REDIC1: variants seen among roughly 807,000 people sequenced by gnomAD.
REDIC1 encodes the protein HEI10 Interacting Protein 1.
chr12:39,701,290 G>C, the REDIC1 span, among the ~76,000 whole-genome samples: 2 of 152,112 alleles, frequency 1.3e-5, no homozygotes, highest in Non-Finnish European at 2.9e-5. Flanking sequence ...TGCAATCCTG[G>C]TCTCTGGTAA....
At chr12:39,718,347 C>T in the REDIC1 span, among the ~76,000 whole-genome samples, 1 of 152,006 alleles carries the variant, frequency 6.6e-6, no homozygotes, top group East Asian at 1.9e-4. Context: ...TTCTGGGTGG[C>T]CAGGGGCATT....
chr12:39,721,934 C>T, the REDIC1 span: 5 of 151,950 alleles, frequency 3.3e-5, no homozygotes, highest in Non-Finnish European at 5.9e-5. Context: ...TGCTAAGATT[C>T]TTTTCATAAA....
the REDIC1 span, among the ~76,000 whole-genome samples, chr12:39,840,253 C>A: frequency 2.0e-5 from 3 of 151,860 alleles, no homozygotes; most frequent in African/African-American, 7.3e-5. Flanking sequence ...CCACCACGCC[C>A]AGCCTTGTAC....
the REDIC1 span, among the ~76,000 whole-genome samples, chr12:39,884,463 C>A: frequency 6.6e-6 from 1 of 152,144 alleles, no homozygotes; most frequent in African/African-American, 2.4e-5. Flanking sequence ...AAATTACAAG[C>A]CTAACTATTC....
chr12:39,718,273 T>C, the REDIC1 span, among the ~76,000 whole-genome samples: 1 of 152,104 alleles, frequency 6.6e-6, no homozygotes, highest in East Asian at 1.9e-4. Context: ...AGAGGCTGAA[T>C]TAGAGATGTT....
the REDIC1 span, among the ~76,000 whole-genome samples, chr12:39,636,428 T>G: frequency 2.0e-5 from 3 of 152,056 alleles, no homozygotes; most frequent in Admixed American, 2.0e-4. Context: ...TCCTAACACA[T>G]CAGGTCGACC....
chr12:39,862,585 C>T, the REDIC1 span, among the ~76,000 whole-genome samples: 9 of 152,324 alleles, frequency 5.9e-5, no homozygotes, highest in African/African-American at 1.4e-4. Context: ...TTTTCCTATA[C>T]GGATCACTCC....
chr12:39,902,537 TA>T, the REDIC1 span, among the ~76,000 whole-genome samples: 1 of 152,032 alleles, frequency 6.6e-6, no homozygotes, highest in African/African-American at 2.4e-5. Context: ...CTCATGTTTT[TA>T]AGCACTACCA....
the REDIC1 span, among the ~76,000 whole-genome samples, chr12:39,659,914 G>T: frequency 1.3e-5 from 2 of 152,152 alleles, no homozygotes; most frequent in Non-Finnish European, 2.9e-5. Context: ...TATGGTACTT[G>T]GAAACCCTAT....
chr12:39,777,239 A>G, the REDIC1 span, among the ~76,000 whole-genome samples: 2 of 152,218 alleles, frequency 1.3e-5, no homozygotes, highest in African/African-American at 2.4e-5. Flanking sequence ...AAGAGACCGG[A>G]CTAAACTGAG....
At chr12:39,747,852 A>G in the REDIC1 span, among the ~76,000 whole-genome samples, 2 of 152,206 alleles carry the variant, frequency 1.3e-5, no homozygotes, top group African/African-American at 4.8e-5. Flanking sequence ...AGGAGAAATC[A>G]AATCCTTTAC....
the REDIC1 span, among the ~76,000 whole-genome samples, chr12:39,877,155 G>C: frequency 1.3e-5 from 2 of 152,196 alleles, no homozygotes; most frequent in Non-Finnish European, 2.9e-5. Flanking sequence ...AACTCTATTA[G>C]TCTGCTCTTA....
the REDIC1 span, among the ~76,000 whole-genome samples, chr12:39,717,015 A>C: frequency 6.6e-6 from 1 of 151,904 alleles, no homozygotes; most frequent in East Asian, 1.9e-4. Flanking sequence ...AGAAAAGAAA[A>C]ATGTAAATAA....
the REDIC1 span, chr12:39,721,248 C>A: frequency 7.5e-6 from 12 of 1,608,728 alleles, no homozygotes; most frequent in Non-Finnish European, 1.0e-5. Flanking sequence ...ATAAGAACAA[C>A]TAATATTCTA....
At chr12:39,726,363 G>C in the REDIC1 span, among the ~76,000 whole-genome samples, 1 of 151,902 alleles carries the variant, frequency 6.6e-6, no homozygotes. Context: ...CTCCCTGTGT[G>C]CATGTGTTCT....
chr12:39,851,456 C>A, the REDIC1 span, among the ~76,000 whole-genome samples: 1 of 152,096 alleles, frequency 6.6e-6, no homozygotes, highest in Non-Finnish European at 1.5e-5. Context: ...TAAAAATGAG[C>A]AGTGCACTTT....
At chr12:39,684,715 G>A in the REDIC1 span, 1 of 569,578 alleles carries the variant, frequency 1.8e-6, no homozygotes, top group Non-Finnish European at 3.1e-6. Context: ...CATAATAGGT[G>A]GGCTCCTTGG....
At chr12:39,825,512 G>A in the REDIC1 span, among the ~76,000 whole-genome samples, 7 of 152,064 alleles carry the variant, frequency 4.6e-5, no homozygotes, top group African/African-American at 1.7e-4. Flanking sequence ...TGTAAGTAGG[G>A]TATAGAAATC....
chr12:39,763,403 C>A, the REDIC1 span, among the ~76,000 whole-genome samples: 1 of 152,048 alleles, frequency 6.6e-6, no homozygotes, highest in African/African-American at 2.4e-5. Flanking sequence ...ATCATATTCA[C>A]CATTCATCTG....
Sources: allele counts gnomAD v4.1 joint callset (sites outside exome capture counted in the v4.1 genomes callset), GRCh38; gene constraint gnomAD v4.1.1; transcripts MANE v1.5; gene names NCBI Gene and HGNC (gene_info 2026-07-23, HGNC 2026-07-21).